Variants in LGSN observed in about 807,000 individuals in gnomAD.
LGSN encodes lengsin, lens protein with glutamine synthetase domain, also known as lengsin.
LGSN carries 21 observed loss-of-function variants against 19.5 expected under a neutral mutation model. That is an observed-to-expected ratio of 1.07 (90% CI 0.76 to 1.55). The LOEUF (loss-of-function observed/expected upper bound fraction) is 1.55, where lower values mean the gene tolerates loss of function less well. Among genes scored for constraint, LGSN ranks in the 40% most tolerant of loss-of-function variants. The probability of loss-of-function intolerance (pLI) is 0.00; values close to 1 mark genes in which losing one functional copy is unlikely to be tolerated. For missense variants in LGSN, 673 were observed against 608.5 expected, an observed-to-expected ratio of 1.11 and a Z score of -1.12; for synonymous variants, 257 against 215.6, an observed-to-expected ratio of 1.19 and a Z score of -1.68.
At chr6:63,412,715 G>T in the LGSN span, among the ~76,000 whole-genome samples, 1 of 68,190 alleles carries the variant, frequency 1.5e-5, no homozygotes, top group African/African-American at 1.0e-4. Flanking sequence ...AAGAGGGAAG[G>T]AAGGAAAGAA....
intron 1 of LGSN, among the ~76,000 whole-genome samples, chr6:63,300,533 G>T (rs796141428): frequency 6.6e-6 from 1 of 152,110 alleles, no homozygotes. Context: ...AGGCACGGTG[G>T]TGTGTGCCTG....
chr6:63,416,113 C>A, the LGSN span, among the ~76,000 whole-genome samples: 1 of 133,208 alleles, frequency 7.5e-6, no homozygotes, highest in African/African-American at 3.1e-5. Flanking sequence ...AAGGGAGATG[C>A]TTTTTTTTTT....
the LGSN span, among the ~76,000 whole-genome samples, chr6:63,437,940 T>C: frequency 6.6e-6 from 1 of 152,056 alleles, no homozygotes; most frequent in Admixed American, 6.6e-5. Context: ...AAAATATATA[T>C]ATATAGTACA....
the LGSN span, among the ~76,000 whole-genome samples, chr6:63,554,418 T>A: frequency 4.6e-5 from 7 of 152,190 alleles, no homozygotes; most frequent in Non-Finnish European, 1.0e-4. Flanking sequence ...TTCAAGGGCT[T>A]TACCTCCACT....
the LGSN span, among the ~76,000 whole-genome samples, chr6:63,551,070 G>T: frequency 6.7e-6 from 1 of 149,564 alleles, no homozygotes; most frequent in African/African-American, 2.5e-5. Flanking sequence ...GTAATTTGTT[G>T]TTGCTGTTGT....
At chr6:63,499,843 G>A in the LGSN span, among the ~76,000 whole-genome samples, 2 of 151,976 alleles carry the variant, frequency 1.3e-5, no homozygotes, top group East Asian at 1.9e-4. Context: ...GATTTGGTTA[G>A]GTCTATATGT....
intron 3 of LGSN, among the ~76,000 whole-genome samples, chr6:63,284,011 T>C (rs1767430868): frequency 1.3e-5 from 2 of 152,186 alleles, no homozygotes; most frequent in Admixed American, 6.5e-5. Context: ...CTTAAACCTA[T>C]TTTTAATGTC....
chr6:63,285,472 G>T, intron 3 of LGSN, 115 bp downstream of exon 3: 1 of 819,452 alleles, frequency 1.2e-6, no homozygotes, highest in Non-Finnish European at 1.9e-6. Flanking sequence ...ATAAGTTATT[G>T]ATTTTCAGCT....
At chr6:63,542,055 GTGTGTGTA>G in the LGSN span, among the ~76,000 whole-genome samples, 107 of 145,342 alleles carry the variant, frequency 7.4e-4, no homozygotes, top group African/African-American at 2.7e-3. Context: ...GTGTGTGTGT[GTGTGTGTA>G]TACATACACA....
chr6:63,449,738 C>T, the LGSN span, among the ~76,000 whole-genome samples: 1 of 151,928 alleles, frequency 6.6e-6, no homozygotes, highest in African/African-American at 2.4e-5. Context: ...ATTTTTCAGT[C>T]GTAGGTAGTT....
At chr6:63,412,517 A>AGAAAGAAGGAAG in the LGSN span, among the ~76,000 whole-genome samples, 5 of 101,242 alleles carry the variant, frequency 4.9e-5, 1 homozygote, top group African/African-American at 1.2e-4. Flanking sequence ...AAAGAAAGAA[A>AGAAAGAAGGAAG]GAAAGAAAGA....
At chr6:63,319,494 C>T (rs1769004397) in intron 1 of LGSN, among the ~76,000 whole-genome samples, 1 of 152,152 alleles carries the variant, frequency 6.6e-6, no homozygotes, top group African/African-American at 2.4e-5. Flanking sequence ...CTGTGCATTT[C>T]AAATATAATT....
At chr6:63,427,745 G>A in the LGSN span, among the ~76,000 whole-genome samples, 21 of 152,176 alleles carry the variant, frequency 1.4e-4, no homozygotes, top group South Asian at 2.5e-3. Context: ...GAACAGGGAC[G>A]CTGTCTTCTT....
the LGSN span, among the ~76,000 whole-genome samples, chr6:63,431,927 T>C: frequency 6.7e-6 from 1 of 148,812 alleles, no homozygotes; most frequent in East Asian, 2.0e-4. Flanking sequence ...AATGCAAAAA[T>C]TAGTTGGGCG....
chr6:63,488,647 C>T, the LGSN span, among the ~76,000 whole-genome samples: 1 of 152,020 alleles, frequency 6.6e-6, no homozygotes, highest in Non-Finnish European at 1.5e-5. Flanking sequence ...ACAGTGTCTT[C>T]TGCAATTAAA....
the LGSN span, among the ~76,000 whole-genome samples, chr6:63,348,627 C>T: frequency 1.3e-5 from 2 of 151,816 alleles, no homozygotes; most frequent in African/African-American, 2.4e-5. Flanking sequence ...AGAGAGACAA[C>T]ATCTTATTGC....
chr6:63,516,998 C>A, the LGSN span, among the ~76,000 whole-genome samples: 14 of 152,050 alleles, frequency 9.2e-5, no homozygotes, highest in African/African-American at 3.1e-4. Context: ...AACCATTGAC[C>A]GAAGCCATTG....
chr6:63,352,678 CACAG>C, the LGSN span, among the ~76,000 whole-genome samples: 1 of 151,378 alleles, frequency 6.6e-6, no homozygotes, highest in African/African-American at 2.4e-5. Flanking sequence ...CTCACACACA[CACAG>C]ACACACACAC....
chr6:63,425,956 C>T, the LGSN span, among the ~76,000 whole-genome samples: 442 of 152,078 alleles, frequency 2.9e-3, 3 homozygotes, highest in Middle Eastern at 0.01. Context: ...GGAGGAAACT[C>T]GGTAAAGGGT....
Sources: gnomAD v4.1 joint callset for allele counts (sites outside exome capture counted in the v4.1 genomes callset) on GRCh38, gnomAD v4.1.1 for gene constraint, MANE v1.5 for transcripts, NCBI Gene and HGNC (gene_info 2026-07-23, HGNC 2026-07-21) for gene names.